The following NTRK2 variants were observed in gnomAD, a reference collection of about 807,000 sequenced individuals.
NTRK2 encodes neurotrophic receptor tyrosine kinase 2.
In NTRK2, 13 loss-of-function variants were observed where a neutral mutation model predicts 94.5. That is an observed-to-expected ratio of 0.14 (90% CI 0.09 to 0.22). NTRK2 has a LOEUF of 0.22. Among genes scored for constraint, NTRK2 ranks in the 10% least tolerant of loss-of-function variants. The pLI, the probability that NTRK2 is intolerant of heterozygous loss-of-function variation, is 1.00. For missense variants in NTRK2, 639 were observed against 1,071.2 expected (o/e 0.60, Z 5.63); for synonymous variants, 372 against 407.4 (o/e 0.91, Z 1.05).
intron 17 of NTRK2, among the ~76,000 whole-genome samples, chr9:84,965,467 A>T (rs1825446296): frequency 6.6e-6 from 1 of 152,190 alleles, no homozygotes; most frequent in Non-Finnish European, 1.5e-5. Flanking sequence ...GAGATGTGGG[A>T]TGACATCTGG....
At chr9:84,782,298 T>C (rs1227004945) in intron 12 of NTRK2, among the ~76,000 whole-genome samples, 1 of 152,204 alleles carries the variant, frequency 6.6e-6, no homozygotes, top group Non-Finnish European at 1.5e-5. Flanking sequence ...TGAAATCTAA[T>C]TCTCAGAAAA....
chr9:84,786,476 C>G (rs1564272214), intron 12 of NTRK2, among the ~76,000 whole-genome samples: 1 of 152,124 alleles, frequency 6.6e-6, no homozygotes, highest in Non-Finnish European at 1.5e-5. Flanking sequence ...ATTCATTTCT[C>G]TTTGTTCTTG....
At chr9:84,755,301 C>T (rs1052229976) in intron 12 of NTRK2, among the ~76,000 whole-genome samples, 8 of 152,132 alleles carry the variant, frequency 5.3e-5, no homozygotes, top group Non-Finnish European at 1.0e-4. Flanking sequence ...TCCATGGTAA[C>T]AGCATTCATA....
intron 12 of NTRK2, among the ~76,000 whole-genome samples, chr9:84,807,648 A>T (rs2071277463): frequency 6.6e-6 from 1 of 152,218 alleles, no homozygotes; most frequent in Non-Finnish European, 1.5e-5. Context: ...AACCCACAAG[A>T]TGTTCAGCCA....
At chr9:84,978,495 G>A (rs1827181382) in intron 17 of NTRK2, among the ~76,000 whole-genome samples, 1 of 152,214 alleles carries the variant, frequency 6.6e-6, no homozygotes, top group Non-Finnish European at 1.5e-5. Context: ...AAAGTTGGAA[G>A]CTAGCAGTGA....
intron 1 of NTRK2, among the ~76,000 whole-genome samples, chr9:84,670,106 C>A (rs990962938): frequency 1.3e-5 from 2 of 152,082 alleles, no homozygotes; most frequent in Non-Finnish European, 2.9e-5. Flanking sequence ...CTTCGCCCGG[C>A]CTGTACCATG....
At chr9:84,683,375 T>C (rs1204436996) in intron 2 of NTRK2, among the ~76,000 whole-genome samples, 3 of 152,134 alleles carry the variant, frequency 2.0e-5, no homozygotes, top group Non-Finnish European at 4.4e-5. Context: ...TGGTGTGTGA[T>C]GTTCCCCTCC....
At chr9:84,990,233 A>T (rs1460379418) in intron 17 of NTRK2, among the ~76,000 whole-genome samples, 6 of 152,200 alleles carry the variant, frequency 3.9e-5, no homozygotes, top group Non-Finnish European at 2.9e-5. Context: ...TATTTGTTGA[A>T]ATGAAATGAA....
intron 14 of NTRK2, chr9:84,871,902 A>G (rs974090493): frequency 1.9e-6 from 3 of 1,612,228 alleles, no homozygotes; most frequent in South Asian, 1.1e-5. Flanking sequence ...GAAGAGTTCT[A>G]TGGTTATCTG....
At chr9:85,018,102 A>G (rs1832432311) in intron 17 of NTRK2, among the ~76,000 whole-genome samples, 1 of 152,062 alleles carries the variant, frequency 6.6e-6, no homozygotes, top group African/African-American at 2.4e-5. Flanking sequence ...TGTGGATGAA[A>G]ATGGTCTGTT....
chr9:84,858,372 G>T (rs564278577), intron 12 of NTRK2, among the ~76,000 whole-genome samples: 2 of 151,504 alleles, frequency 1.3e-5, no homozygotes, highest in Non-Finnish European at 2.9e-5. Flanking sequence ...CTAACTGTGC[G>T]ATTTTCACTA....
chr9:84,675,321 T>C (rs1374216977), intron 2 of NTRK2, among the ~76,000 whole-genome samples: 5 of 134,018 alleles, frequency 3.7e-5, no homozygotes, highest in African/African-American at 1.4e-4. Context: ...CTTTCTTTCT[T>C]TCCTTTTTTT....
chr9:84,756,322 C>T (rs2065080743), intron 12 of NTRK2, among the ~76,000 whole-genome samples: 1 of 152,140 alleles, frequency 6.6e-6, no homozygotes, highest in African/African-American at 2.4e-5. Flanking sequence ...CGCATTGCTT[C>T]CTGGCTCCGT....
At chr9:85,000,873 C>T in intron 17 of NTRK2, among the ~76,000 whole-genome samples, 1 of 152,184 alleles carries the variant, frequency 6.6e-6, no homozygotes, top group East Asian at 1.9e-4. Flanking sequence ...TTTTGCATTC[C>T]AACCAGTAAT....
intron 4 of NTRK2, among the ~76,000 whole-genome samples, chr9:84,705,944 C>T (rs1212397320): frequency 6.6e-6 from 1 of 151,998 alleles, no homozygotes; most frequent in Non-Finnish European, 1.5e-5. Context: ...CAGGCGCCAC[C>T]ACACCAGGTG....
intron 17 of NTRK2, among the ~76,000 whole-genome samples, chr9:85,015,012 T>A (rs1832062995): frequency 6.6e-6 from 1 of 152,262 alleles, no homozygotes; most frequent in South Asian, 2.1e-4. Context: ...TTGTTCTGAT[T>A]AGCTTTGCTG....
At chr9:84,911,127 C>G (rs566809989) in intron 14 of NTRK2, among the ~76,000 whole-genome samples, 70 of 152,202 alleles carry the variant, frequency 4.6e-4, no homozygotes, top group Admixed American at 2.0e-4. Flanking sequence ...TTCAACTAGC[C>G]TTGCATTCCT....
upstream of NTRK2, chr9:84,669,680 A>G (rs2131248844): frequency 6.5e-6 from 1 of 153,026 alleles, no homozygotes; most frequent in Non-Finnish European, 1.5e-5. The surrounding 1 kb of genome is among the most constrained non-coding windows in gnomAD (Gnocchi z 4.1). Context: ...TGGATTTCAG[A>G]CTAATTTTCT....
intron 12 of NTRK2, among the ~76,000 whole-genome samples, chr9:84,800,529 G>GT (rs2070293481): frequency 6.6e-6 from 1 of 152,178 alleles, no homozygotes; most frequent in South Asian, 2.1e-4. Context: ...TACCACCTAT[G>GT]TGTATATTCC....
Sources: gnomAD v4.1 joint callset for allele counts (sites outside exome capture counted in the v4.1 genomes callset) on GRCh38, gnomAD v4.1.1 for gene constraint, Gnocchi (gnomAD v3.1) non-coding constraint, MANE v1.5 for transcripts, NCBI Gene and HGNC (gene_info 2026-07-23, HGNC 2026-07-21) for gene names.